Variants in EYS observed in about 807,000 individuals in gnomAD.
EYS encodes protein eyes shut homolog.
In EYS, 250 loss-of-function variants were observed where a neutral mutation model predicts 282.1. The ratio of observed to expected loss-of-function variants is 0.89; its 90% CI spans 0.80 to 0.98. The LOEUF (loss-of-function observed/expected upper bound fraction) is 0.98, where lower values mean the gene tolerates loss of function less well. EYS is among the 50% of genes least tolerant of loss of function. The probability of loss-of-function intolerance (pLI) is 0.00; values close to 1 mark genes in which losing one functional copy is unlikely to be tolerated. For missense variants in EYS, 4,016 were observed against 3,709.0 expected (o/e 1.08, Z -2.15); for synonymous variants, 1,355 against 1,282.9 (o/e 1.06, Z -1.20).
At position 65,687,927 on chromosome 6, in the gene EYS, A is replaced by G. The variant is rs540665928; in HGVS notation, c.-448+19208T>C. On this transcript the variant is annotated intron_variant, in intron 1 of 42. Transcript: ENST00000503581. ...ACTACAAACCACTGCTAGATGAAAT[A>G]AAAGAGGATACAAACAAATGGAAGA... Among the ~76,000 whole-genome samples the G allele has an allele frequency of 3.3e-3, 504 of 152,320 alleles. 6 individuals are homozygous for G. The highest frequency in any genetic ancestry group is 0.012 in the African/African-American group (484 of 41,582).
chr6:65,372,731 A>G (rs1052162298), intron 8 of EYS, among the ~76,000 whole-genome samples: 2 of 152,086 alleles, frequency 1.3e-5, no homozygotes, highest in African/African-American at 4.8e-5. Context: ...TCCTCATCAC[A>G]ATTTCAATAA....
At chr6:64,334,618 A>C (rs1219463230) in intron 29 of EYS, among the ~76,000 whole-genome samples, 1 of 152,182 alleles carries the variant, frequency 6.6e-6, no homozygotes, top group Non-Finnish European at 1.5e-5. Context: ...GATTATAGTC[A>C]GTGAAACAGC....
chr6:64,181,106 G>A (rs1201517679), intron 31 of EYS, among the ~76,000 whole-genome samples: 3 of 151,956 alleles, frequency 2.0e-5, no homozygotes, highest in African/African-American at 4.8e-5. Context: ...AAGGAGACAA[G>A]GAATAACATA....
At chr6:64,339,528 G>A (rs1190588246) in intron 29 of EYS, among the ~76,000 whole-genome samples, 1 of 151,940 alleles carries the variant, frequency 6.6e-6, no homozygotes, top group Non-Finnish European at 1.5e-5. Context: ...CACACTGCTG[G>A]TGGGAATGTA....
At chr6:64,374,244 G>T (rs1160492151) in intron 29 of EYS, among the ~76,000 whole-genome samples, 1 of 150,318 alleles carries the variant, frequency 6.7e-6, no homozygotes, top group African/African-American at 2.5e-5. Flanking sequence ...TAGGGCCTGG[G>T]GGTTGGAGCA....
At chr6:65,701,709 C>T (rs1452018538) in intron 1 of EYS, among the ~76,000 whole-genome samples, 4 of 152,010 alleles carry the variant, frequency 2.6e-5, no homozygotes, top group Non-Finnish European at 2.9e-5. Context: ...AAAAGCTTAA[C>T]AAAATTCACA....
chr6:64,206,828 T>TA (rs200483437), intron 31 of EYS, among the ~76,000 whole-genome samples: 5 of 152,146 alleles, frequency 3.3e-5, no homozygotes, highest in African/African-American at 1.2e-4. Flanking sequence ...AAAAACATGT[T>TA]AATTTTTTTT....
intron 22 of EYS, among the ~76,000 whole-genome samples, chr6:64,667,186 A>G (rs919555291): frequency 6.1e-5 from 9 of 148,730 alleles, no homozygotes; most frequent in Non-Finnish European, 1.3e-4. Context: ...AATAATATTT[A>G]TAATATATAA....
intron 26 of EYS, among the ~76,000 whole-genome samples, chr6:64,574,401 G>T (rs1234583424): frequency 6.6e-6 from 1 of 152,120 alleles, no homozygotes; most frequent in Admixed American, 6.6e-5. Context: ...TTCTGCACCT[G>T]TATCCTAGAA....
At chr6:64,187,863 A>C (rs77532316) in intron 31 of EYS, among the ~76,000 whole-genome samples, 1,728 of 152,180 alleles carry the variant, frequency 0.011, 31 homozygotes, top group African/African-American at 0.039. Flanking sequence ...TTTGTGTTTA[A>C]TATAAGATTT....
At chr6:64,846,079 G>C (rs1765705190) in intron 19 of EYS, among the ~76,000 whole-genome samples, 2 of 151,910 alleles carry the variant, frequency 1.3e-5, no homozygotes, top group African/African-American at 2.4e-5. Flanking sequence ...CGATTTCCTT[G>C]CTCAGAGACT....
intron 34 of EYS, among the ~76,000 whole-genome samples, chr6:63,997,886 A>G (rs1767906135): frequency 6.6e-6 from 1 of 152,188 alleles, no homozygotes; most frequent in Admixed American, 6.5e-5. Flanking sequence ...AACTATAAGG[A>G]GTTAATAAAG....
intron 22 of EYS, among the ~76,000 whole-genome samples, chr6:64,647,175 T>C (rs1246764745): frequency 6.6e-6 from 1 of 152,212 alleles, no homozygotes; most frequent in Non-Finnish European, 1.5e-5. Context: ...ATTACATCAC[T>C]TGAAAATTCT....
intron 5 of EYS, among the ~76,000 whole-genome samples, chr6:65,411,608 C>T (rs1021687031): frequency 7.2e-5 from 11 of 151,736 alleles, no homozygotes; most frequent in Admixed American, 5.3e-4. Context: ...CTCATGCTAC[C>T]CCGTTATAAT....
intron 22 of EYS, among the ~76,000 whole-genome samples, chr6:64,669,096 G>A (rs1445767193): frequency 6.6e-6 from 1 of 151,966 alleles, no homozygotes; most frequent in Non-Finnish European, 1.5e-5. Context: ...TTTTAACGTG[G>A]CCTTTATATA....
At position 64,922,562 on chromosome 6, in the gene EYS, T is replaced by C. The variant is rs569862324; in HGVS notation, c.2382-9819A>G. Among the ~76,000 whole-genome samples, 54 of 152,258 alleles carry C rather than the reference T, an allele frequency of 3.5e-4. No homozygotes were observed. The South Asian group carries it at 0.011, about 30-fold the overall frequency. ...AAGGAGATATAAAAGACTCAGGATATATATTAGTTAATAAAATGAGAGGAA... is the reference window on the plus strand; with the variant it reads ...AAGGAGATATAAAAGACTCAGGATACATATTAGTTAATAAAATGAGAGGAA... On this transcript the variant is annotated intron_variant, in intron 15 of 42. Transcript: ENST00000503581.
chr6:64,944,498 A>AGGG (rs1479207074), intron 15 of EYS, among the ~76,000 whole-genome samples: 5 of 152,050 alleles, frequency 3.3e-5, no homozygotes, highest in Non-Finnish European at 4.4e-5. Flanking sequence ...GTCTGAAACC[A>AGGG]GGGGCACAAT....
At chr6:65,548,662 G>C (rs1768482269) in intron 2 of EYS, among the ~76,000 whole-genome samples, 1 of 152,082 alleles carries the variant, frequency 6.6e-6, no homozygotes, top group Non-Finnish European at 1.5e-5. Flanking sequence ...TTTCCAATTT[G>C]AACCCGATGA....
At chr6:64,079,056 A>C (rs1460658233) in intron 32 of EYS, among the ~76,000 whole-genome samples, 1 of 152,110 alleles carries the variant, frequency 6.6e-6, no homozygotes, top group Non-Finnish European at 1.5e-5. Context: ...CAAAGCTAGA[A>C]AATCACTTTT....
Sources: allele counts gnomAD v4.1 joint callset (sites outside exome capture counted in the v4.1 genomes callset), GRCh38; gene constraint gnomAD v4.1.1; transcripts MANE v1.5; gene names NCBI Gene and HGNC (gene_info 2026-07-23, HGNC 2026-07-21).